The following UNC13C variants were observed in gnomAD, a reference collection of about 807,000 sequenced individuals.
UNC13C encodes the protein unc-13 homolog C, also known as protein unc-13 homolog C.
A neutral mutation model predicts 245.4 loss-of-function variants in UNC13C; 174 were observed. The ratio of observed to expected loss-of-function variants is 0.71; its 90% CI spans 0.63 to 0.80. The LOEUF is 0.80. Ranked by LOEUF, UNC13C falls within the 30% of genes least tolerant of loss-of-function variation. The pLI is 0.00. For missense variants in UNC13C, 2,829 were observed against 2,602.9 expected, an observed-to-expected ratio of 1.09 and a Z score of -1.89; for synonymous variants, 992 against 895.1, an observed-to-expected ratio of 1.11 and a Z score of -1.93.
intron 29 of UNC13C, among the ~76,000 whole-genome samples, chr15:54,557,940 A>G (rs574066611): frequency 5.9e-5 from 9 of 152,058 alleles, no homozygotes; most frequent in Non-Finnish European, 8.8e-5. Context: ...TGATGAGTTC[A>G]TGTCCTTTGT....
intron 30 of UNC13C, among the ~76,000 whole-genome samples, chr15:54,598,385 G>A (rs542791321): frequency 9.2e-5 from 14 of 152,298 alleles, no homozygotes; most frequent in East Asian, 7.7e-4. Flanking sequence ...ATGAGCCACC[G>A]CGCCCAGCCT....
At chr15:53,841,562 A>G in the UNC13C span, among the ~76,000 whole-genome samples, 8 of 152,178 alleles carry the variant, frequency 5.3e-5, no homozygotes, top group Non-Finnish European at 1.0e-4. Flanking sequence ...GAGAATAAGT[A>G]TATGAAAAAA....
chr15:54,510,468 G>A (rs1894684397), intron 23 of UNC13C, among the ~76,000 whole-genome samples: 1 of 151,046 alleles, frequency 6.6e-6, no homozygotes, highest in African/African-American at 2.5e-5. Flanking sequence ...AATCATTTGT[G>A]GAACATTTTG....
At chr15:53,846,212 T>C in the UNC13C span, among the ~76,000 whole-genome samples, 22 of 152,326 alleles carry the variant, frequency 1.4e-4, no homozygotes, top group African/African-American at 4.8e-4. Flanking sequence ...CATAACCCCA[T>C]TGTAAGTTAA....
At chr15:54,380,606 G>A (rs1347529385) in intron 17 of UNC13C, among the ~76,000 whole-genome samples, 1 of 151,640 alleles carries the variant, frequency 6.6e-6, no homozygotes, top group African/African-American at 2.4e-5. Context: ...TTCTCTTTAT[G>A]TCCTAACCAA....
In UNC13C at chr15:54,379,622, C is replaced by T. The variant is rs540575315; in HGVS notation, c.4714-13426C>T. Among the ~76,000 whole-genome samples, 10 of 152,164 alleles carry T rather than the reference C, an allele frequency of 6.6e-5. No homozygotes were observed. The South Asian group carries it at 2.1e-3, about 32-fold the overall frequency. Reference sequence around the variant, plus strand: ...ATTTGCAGGCCATATTTTCAGTTATCCTGATTTAGTAGGTCTACAATAGAG... The same window carrying T: ...ATTTGCAGGCCATATTTTCAGTTATTCTGATTTAGTAGGTCTACAATAGAG... On this transcript the variant is annotated intron_variant, in intron 17 of 32. Coordinates refer to ENST00000260323, the MANE Select transcript of UNC13C (RefSeq NM_001080534.3).
intron 19 of UNC13C, among the ~76,000 whole-genome samples, chr15:54,452,294 T>A (rs4301968): frequency 0.54 from 81,825 of 151,990 alleles, 22,139 homozygotes; most frequent in East Asian, 0.69. Context: ...TGGGTCAGGT[T>A]GGTGGGTGGG....
At chr15:54,245,450 C>T (rs1047929480) in intron 7 of UNC13C, among the ~76,000 whole-genome samples, 3 of 152,080 alleles carry the variant, frequency 2.0e-5, no homozygotes, top group African/African-American at 7.2e-5. Context: ...AAACTACTTA[C>T]ATTCTCACAT....
At chr15:53,950,003 A>G in the UNC13C span, among the ~76,000 whole-genome samples, 1 of 152,204 alleles carries the variant, frequency 6.6e-6, no homozygotes, top group Non-Finnish European at 1.5e-5. Context: ...CACAGGAAGA[A>G]GATAAAAATG....
At chr15:54,054,340 C>G (rs576292149) in intron 2 of UNC13C, among the ~76,000 whole-genome samples, 1 of 152,178 alleles carries the variant, frequency 6.6e-6, no homozygotes, top group Non-Finnish European at 1.5e-5. Flanking sequence ...CCCTCTTAGA[C>G]TGTAAGCTCA....
chr15:54,520,574 G>C (rs1411175015), intron 24 of UNC13C, among the ~76,000 whole-genome samples: 1 of 152,020 alleles, frequency 6.6e-6, no homozygotes, highest in Non-Finnish European at 1.5e-5. Flanking sequence ...AGAGTAAAAA[G>C]AAAAGAAGAC....
At chr15:54,147,507 C>G (rs1409773454) in intron 4 of UNC13C, among the ~76,000 whole-genome samples, 1 of 152,206 alleles carries the variant, frequency 6.6e-6, no homozygotes, top group Non-Finnish European at 1.5e-5. Flanking sequence ...GCATGAGCCA[C>G]TGCGCCCAGC....
rs183149192 is a variant in UNC13C, at chr15:54,189,058, A to G, written c.3071+45374A>G. Among the ~76,000 whole-genome samples the G allele has an allele frequency of 2.2e-4, 33 of 152,278 alleles. 1 individual carries two copies. Among genetic ancestry groups the G allele is most frequent in the Admixed American group, 2.1e-3 (32 of 15,280 alleles). Reference sequence around the variant, plus strand: ...TGATATTCTCCTACAAAAGTCAACTACTGGTAGATAATTCAGAGATTTATG... The same window carrying G: ...TGATATTCTCCTACAAAAGTCAACTGCTGGTAGATAATTCAGAGATTTATG... On this transcript the variant is annotated intron_variant, in intron 4 of 32. Coordinates refer to ENST00000260323, the MANE Select transcript of UNC13C (RefSeq NM_001080534.3).
chr15:54,501,097 C>A, intron 22 of UNC13C, 119 bp downstream of exon 22: 1 of 992,242 alleles, frequency 1.0e-6, no homozygotes, highest in Non-Finnish European at 1.5e-6. Context: ...TAATTCTGTA[C>A]TAGTAAATTC....
chr15:54,530,586 G>A (rs1172311427), intron 25 of UNC13C, among the ~76,000 whole-genome samples: 1 of 152,024 alleles, frequency 6.6e-6, no homozygotes, highest in African/African-American at 2.4e-5. Context: ...GAACAATAAG[G>A]GAACAGAGAT....
chr15:53,954,120 G>A, the UNC13C span, among the ~76,000 whole-genome samples: 1 of 152,174 alleles, frequency 6.6e-6, no homozygotes, highest in Non-Finnish European at 1.5e-5. Context: ...TTCATGGATT[G>A]TAAATGGAAA....
intron 10 of UNC13C, among the ~76,000 whole-genome samples, chr15:54,272,438 T>A (rs2036710945): frequency 6.6e-6 from 1 of 152,230 alleles, no homozygotes; most frequent in African/African-American, 2.4e-5. Context: ...TCTGATTTAT[T>A]GCCTAGATTA....
chr15:54,260,028 C>G (rs2036384195), intron 8 of UNC13C, among the ~76,000 whole-genome samples: 1 of 151,692 alleles, frequency 6.6e-6, no homozygotes, highest in Non-Finnish European at 1.5e-5. Context: ...TCCAATTATG[C>G]CAATCATTTT....
In UNC13C at chr15:54,248,681, G is replaced by A. The variant is rs28756083; in HGVS notation, c.3229-1544G>A. On this transcript the variant is annotated intron_variant, in intron 7 of 32. Transcript: ENST00000260323. Reference sequence around the variant, plus strand: ...CCTAATATTAGGATCTTCCACTTGAGTGATGCCCGAATTTGACCATACTGC... The same window carrying A: ...CCTAATATTAGGATCTTCCACTTGAATGATGCCCGAATTTGACCATACTGC... Among the ~76,000 whole-genome samples, 598 of 152,262 alleles carry A rather than the reference G, an allele frequency of 3.9e-3. 3 individuals are homozygous for A. The highest frequency in any genetic ancestry group is 0.014 in the African/African-American group (586 of 41,562).
Sources: allele counts gnomAD v4.1 joint callset (sites outside exome capture counted in the v4.1 genomes callset), GRCh38; gene constraint gnomAD v4.1.1; transcripts MANE v1.5; gene names NCBI Gene and HGNC (gene_info 2026-07-23, HGNC 2026-07-21).